The following MDGA2 variants were observed in gnomAD, a reference collection of about 807,000 sequenced individuals.
MDGA2 encodes the protein MAM domain containing glycosylphosphatidylinositol anchor 2, also known as MAM domain-containing glycosylphosphatidylinositol anchor protein 2.
Under a neutral mutation model 117.8 loss-of-function variants are expected in MDGA2, and 40 were observed. The ratio of observed to expected loss-of-function variants is 0.34; its 90% CI spans 0.26 to 0.44. The LOEUF is 0.44. Among genes scored for constraint, MDGA2 ranks in the 20% least tolerant of loss-of-function variants. MDGA2 has a pLI of 1.00. For missense variants in MDGA2, 1,123 were observed against 1,250.6 expected (o/e 0.90, Z 1.54); for synonymous variants, 452 against 439.0 (o/e 1.03, Z -0.37).
At chr14:47,348,744 G>A (rs1021096603) in intron 1 of MDGA2, among the ~76,000 whole-genome samples, 5 of 152,084 alleles carry the variant, frequency 3.3e-5, no homozygotes, top group African/African-American at 1.2e-4. Flanking sequence ...GAGTGCAGAA[G>A]CAAAAATCTT....
chr14:47,630,617 G>A (rs1202152832), intron 1 of MDGA2, among the ~76,000 whole-genome samples: 1 of 152,036 alleles, frequency 6.6e-6, no homozygotes, highest in African/African-American at 2.4e-5. Context: ...AAACAATGGC[G>A]ATCATCAAAA....
intron 10 of MDGA2, among the ~76,000 whole-genome samples, chr14:46,892,567 T>C (rs1882923938): frequency 6.6e-6 from 1 of 151,860 alleles, no homozygotes; most frequent in African/African-American, 2.4e-5. Context: ...AATGCAAAGA[T>C]AGCAATGAAC....
intron 2 of MDGA2, among the ~76,000 whole-genome samples, chr14:47,230,212 C>T (rs978810394): frequency 1.1e-4 from 17 of 151,880 alleles, no homozygotes; most frequent in African/African-American, 4.1e-4. Context: ...GTCATATTTA[C>T]ATCTATTCAT....
intron 5 of MDGA2, among the ~76,000 whole-genome samples, chr14:47,100,613 T>TA (rs1373044127): frequency 5.3e-5 from 8 of 151,656 alleles, no homozygotes; most frequent in Admixed American, 2.6e-4. Context: ...TGATAAGCAA[T>TA]AAAAAATCAA....
intron 1 of MDGA2, among the ~76,000 whole-genome samples, chr14:47,410,062 C>A (rs940335074): frequency 1.1e-4 from 16 of 152,282 alleles, no homozygotes; most frequent in African/African-American, 3.1e-4. Context: ...GGTCCACATA[C>A]TAACAAGAGC....
intron 1 of MDGA2, among the ~76,000 whole-genome samples, chr14:47,388,855 T>C (rs1891821683): frequency 6.6e-6 from 1 of 152,160 alleles, no homozygotes; most frequent in Non-Finnish European, 1.5e-5. Flanking sequence ...CAGCATACGA[T>C]GACACACTCA....
intron 1 of MDGA2, among the ~76,000 whole-genome samples, chr14:47,620,052 C>G (rs917495436): frequency 8.5e-5 from 13 of 152,324 alleles, no homozygotes; most frequent in South Asian, 2.1e-4. Flanking sequence ...CACATAATCC[C>G]TGGCTTAATG....
chr14:46,933,919 A>G (rs914817588), intron 9 of MDGA2, among the ~76,000 whole-genome samples: 1 of 148,388 alleles, frequency 6.7e-6, no homozygotes, highest in Non-Finnish European at 1.5e-5. Context: ...ACTTAAATGA[A>G]TAACTCCTTG....
At chr14:47,309,589 G>GTAAGGCAA (rs531368007) in intron 1 of MDGA2, among the ~76,000 whole-genome samples, 120 of 152,186 alleles carry the variant, frequency 7.9e-4, no homozygotes, top group African/African-American at 2.5e-3. Flanking sequence ...AAAGCCCAAA[G>GTAAGGCAA]TAAGGCAATT....
At chr14:47,329,211 T>G (rs892564570) in intron 1 of MDGA2, among the ~76,000 whole-genome samples, 1 of 152,108 alleles carries the variant, frequency 6.6e-6, no homozygotes, top group African/African-American at 2.4e-5. Context: ...AGATTACACG[T>G]GTGAGCCATC....
At chr14:47,610,283 C>T (rs1202431307) in intron 1 of MDGA2, among the ~76,000 whole-genome samples, 1 of 152,132 alleles carries the variant, frequency 6.6e-6, no homozygotes, top group Non-Finnish European at 1.5e-5. Flanking sequence ...ACTCTCACCA[C>T]TCCTCTTCAA....
In MDGA2 at chr14:47,012,685, G is replaced by C. The variant is rs370123922; in HGVS notation, c.1819+22326C>G. Among the ~76,000 whole-genome samples, 130 of 152,188 alleles carry C rather than the reference G, an allele frequency of 8.5e-4. 1 individual carries two copies. The South Asian group carries it at 0.027, about 31-fold the overall frequency. ...TTACTGATGTTATGTTTGTTAACCTGGGTGTAGAAGCAGGAGGTCATATTT... is the reference window on the plus strand; with the variant it reads ...TTACTGATGTTATGTTTGTTAACCTCGGTGTAGAAGCAGGAGGTCATATTT... On this transcript the variant is annotated intron_variant, in intron 8 of 16. Transcript: ENST00000399232.
chr14:47,224,698 T>C (rs895295822), intron 2 of MDGA2, among the ~76,000 whole-genome samples: 1 of 152,162 alleles, frequency 6.6e-6, no homozygotes, highest in Non-Finnish European at 1.5e-5. Flanking sequence ...TGATCTGCTA[T>C]AATTATTGGG....
chr14:46,869,341 C>T (rs1881905347), intron 14 of MDGA2, among the ~76,000 whole-genome samples: 1 of 141,416 alleles, frequency 7.1e-6, no homozygotes, highest in Admixed American at 7.1e-5. Context: ...TAGTGATCTC[C>T]TATGAGATTC....
chr14:47,024,092 T>C (rs921378029), intron 8 of MDGA2, among the ~76,000 whole-genome samples: 1 of 152,120 alleles, frequency 6.6e-6, no homozygotes, highest in Non-Finnish European at 1.5e-5. Context: ...CATAGACAGA[T>C]AGACAGGTGG....
chr14:46,914,685 ATAAGG>A (rs1045445184), intron 10 of MDGA2, among the ~76,000 whole-genome samples: 5 of 152,136 alleles, frequency 3.3e-5, no homozygotes, highest in African/African-American at 1.2e-4. Flanking sequence ...TGGATTAAAA[ATAAGG>A]TAAGGTCTTA....
At chr14:47,205,009 A>G (rs1885631701) in intron 3 of MDGA2, among the ~76,000 whole-genome samples, 1 of 151,938 alleles carries the variant, frequency 6.6e-6, no homozygotes, top group Non-Finnish European at 1.5e-5. Context: ...CAGCCCCTTC[A>G]TCATTCACAC....
At chr14:47,101,468 T>C (rs143645925) in intron 5 of MDGA2, among the ~76,000 whole-genome samples, 105 of 152,232 alleles carry the variant, frequency 6.9e-4, no homozygotes, top group African/African-American at 2.5e-3. Flanking sequence ...CCCAAACATC[T>C]GGATATTCAA....
chr14:47,572,945 T>C (rs554828155), intron 1 of MDGA2, among the ~76,000 whole-genome samples: 1 of 152,322 alleles, frequency 6.6e-6, no homozygotes, highest in African/African-American at 2.4e-5. Flanking sequence ...TTGGTTATTT[T>C]AATATTTTCT....
Sources: gnomAD v4.1 joint callset for allele counts (sites outside exome capture counted in the v4.1 genomes callset) on GRCh38, gnomAD v4.1.1 for gene constraint, MANE v1.5 for transcripts, NCBI Gene and HGNC (gene_info 2026-07-23, HGNC 2026-07-21) for gene names.